MAGI2: variants seen among roughly 807,000 people sequenced by gnomAD.
The protein encoded by MAGI2 is membrane associated guanylate kinase, WW and PDZ domain containing 2, also known as membrane-associated guanylate kinase, WW and PDZ domain-containing protein 2.
A neutral mutation model predicts 133.3 loss-of-function variants in MAGI2; 35 were observed. That is an observed-to-expected ratio of 0.26 (90% confidence interval 0.20 to 0.35). The LOEUF (loss-of-function observed/expected upper bound fraction) is 0.35, where lower values mean the gene tolerates loss of function less well. Ranked by LOEUF, MAGI2 falls within the 10% of genes least tolerant of loss-of-function variation. MAGI2 has a pLI of 1.00. For synonymous variants in MAGI2, 729 were observed against 710.6 expected (o/e 1.03, Z -0.41); for missense variants, 1,636 against 1,863.4 (o/e 0.88, Z 2.25).
At chr7:79,108,359 C>G (rs1818618887) in intron 1 of MAGI2, among the ~76,000 whole-genome samples, 3 of 152,178 alleles carry the variant, frequency 2.0e-5, no homozygotes, top group Admixed American at 2.0e-4. Flanking sequence ...CACAGAACAA[C>G]TATTTGGTGA....
chr7:79,240,371 A>G (rs1442209440), intron 1 of MAGI2, among the ~76,000 whole-genome samples: 3 of 152,010 alleles, frequency 2.0e-5, no homozygotes, highest in Non-Finnish European at 4.4e-5. Context: ...AAAAAAAAAA[A>G]AAAGAAAAGG....
At chr7:78,859,788 C>T (rs1002450169) in intron 2 of MAGI2, among the ~76,000 whole-genome samples, 1 of 152,168 alleles carries the variant, frequency 6.6e-6, no homozygotes, top group African/African-American at 2.4e-5. Flanking sequence ...GTTGGCCTGC[C>T]TCACTAGGTT....
At chr7:78,782,438 G>A (rs1406070427) in intron 2 of MAGI2, among the ~76,000 whole-genome samples, 3 of 152,150 alleles carry the variant, frequency 2.0e-5, no homozygotes, top group African/African-American at 4.8e-5. Context: ...TGAGTTGGAT[G>A]TTAAACATTT....
At chr7:79,401,659 A>G (rs1190450423) in intron 1 of MAGI2, among the ~76,000 whole-genome samples, 2 of 152,290 alleles carry the variant, frequency 1.3e-5, no homozygotes, top group Admixed American at 6.5e-5. Context: ...ATGAATGATT[A>G]CTATATTGGT....
At chr7:79,310,950 A>G (rs1333576373) in intron 1 of MAGI2, among the ~76,000 whole-genome samples, 1 of 25,146 alleles carries the variant, frequency 4.0e-5, no homozygotes, top group Non-Finnish European at 1.7e-4. Context: ...ACACACATGC[A>G]CACACACACA....
chr7:78,478,896 G>T (rs1792063276), intron 6 of MAGI2, among the ~76,000 whole-genome samples: 1 of 152,050 alleles, frequency 6.6e-6, no homozygotes, highest in Middle Eastern at 3.4e-3. Context: ...CTCCCTGGCC[G>T]AAGGGCAAGG....
intron 1 of MAGI2, among the ~76,000 whole-genome samples, chr7:79,175,074 C>T (rs1253937022): frequency 6.6e-6 from 1 of 151,764 alleles, no homozygotes; most frequent in East Asian, 1.9e-4. Flanking sequence ...TAATGGTGCT[C>T]ATTAAATGCT....
At chr7:78,369,311 C>T in intron 6 of MAGI2, 98 bp from the exon 7 acceptor site, 2 of 819,808 alleles carry the variant, frequency 2.4e-6, no homozygotes, top group Admixed American at 2.5e-5. Context: ...AAATGGTCTG[C>T]CAAAGTGGAA....
intron 2 of MAGI2, among the ~76,000 whole-genome samples, chr7:78,811,414 A>G (rs1482489798): frequency 6.6e-6 from 1 of 151,848 alleles, no homozygotes; most frequent in Non-Finnish European, 1.5e-5. Flanking sequence ...GTATATTAAT[A>G]TATATAATAA....
At chr7:78,171,843 A>G (rs1181282570) in intron 14 of MAGI2, among the ~76,000 whole-genome samples, 2 of 151,588 alleles carry the variant, frequency 1.3e-5, no homozygotes, top group African/African-American at 4.8e-5. Flanking sequence ...CTTCAGTTCC[A>G]CTATTCAGTT....
intron 20 of MAGI2, among the ~76,000 whole-genome samples, chr7:78,114,829 A>G (rs1390799972): frequency 6.6e-6 from 1 of 152,172 alleles, no homozygotes; most frequent in Non-Finnish European, 1.5e-5. Flanking sequence ...TGGGGACTGG[A>G]GCTGGAGAGG....
At chr7:78,515,707 C>T (rs898434958) in intron 4 of MAGI2, among the ~76,000 whole-genome samples, 1 of 152,240 alleles carries the variant, frequency 6.6e-6, no homozygotes, top group Admixed American at 6.5e-5. Flanking sequence ...TCAAGACCAG[C>T]CTGACCAAAT....
At chr7:78,506,067 C>T (rs1795058025) in intron 4 of MAGI2, among the ~76,000 whole-genome samples, 1 of 152,052 alleles carries the variant, frequency 6.6e-6, no homozygotes, top group Non-Finnish European at 1.5e-5. Flanking sequence ...TTTTCATTTC[C>T]CACAAAGATC....
intron 3 of MAGI2, among the ~76,000 whole-genome samples, chr7:78,570,781 T>G (rs1333097702): frequency 1.3e-5 from 2 of 152,144 alleles, no homozygotes; most frequent in Non-Finnish European, 2.9e-5. Flanking sequence ...TTGTTCCAGA[T>G]TATATATTTC....
At chr7:79,355,577 T>G (rs1286396603) in intron 1 of MAGI2, among the ~76,000 whole-genome samples, 1 of 152,182 alleles carries the variant, frequency 6.6e-6, no homozygotes, top group Non-Finnish European at 1.5e-5. Flanking sequence ...GTCAACTCAA[T>G]GGAGAGACGT....
intron 2 of MAGI2, among the ~76,000 whole-genome samples, chr7:78,791,653 G>A (rs200915765): frequency 1.3e-5 from 2 of 151,532 alleles, no homozygotes; most frequent in East Asian, 3.9e-4. Flanking sequence ...GGGTTCAAGT[G>A]ATTCTCCTGC....
intron 2 of MAGI2, among the ~76,000 whole-genome samples, chr7:78,868,470 T>C (rs4730552): frequency 0.35 from 53,731 of 152,072 alleles, 9,946 homozygotes; most frequent in East Asian, 0.73. Context: ...TACGTTATCA[T>C]GTCCCCCAAA....
intron 3 of MAGI2, among the ~76,000 whole-genome samples, chr7:78,604,741 GT>G (rs1805619210): frequency 6.6e-6 from 1 of 152,168 alleles, no homozygotes; most frequent in Non-Finnish European, 1.5e-5. Flanking sequence ...GTATTTCTCT[GT>G]TTCAATATAT....
chr7:78,557,987 T>TAAA (rs1316773134), intron 3 of MAGI2, among the ~76,000 whole-genome samples: 136 of 151,444 alleles, frequency 9.0e-4, no homozygotes, highest in African/African-American at 3.1e-3. Context: ...TTTTTTTTTT[T>TAAA]AAAAAATAGT....
Sources: allele counts gnomAD v4.1 joint callset (sites outside exome capture counted in the v4.1 genomes callset), GRCh38; gene constraint gnomAD v4.1.1; transcripts MANE v1.5; gene names NCBI Gene and HGNC (gene_info 2026-07-23, HGNC 2026-07-21).